SEPTIN14: variants seen among roughly 807,000 people sequenced by gnomAD.
The protein encoded by SEPTIN14 is septin-14.
A neutral mutation model predicts 53.6 loss-of-function variants in SEPTIN14; 40 were observed. The ratio of observed to expected loss-of-function variants is 0.75; its 90% confidence interval spans 0.58 to 0.97. The LOEUF (loss-of-function observed/expected upper bound fraction) is 0.97. Ranked by LOEUF, SEPTIN14 falls within the 50% of genes least tolerant of loss-of-function variation. SEPTIN14 has a pLI of 0.00. For synonymous variants in SEPTIN14, 138 were observed against 166.8 expected (o/e 0.83, Z 1.33); for missense variants, 471 against 508.2 (o/e 0.93, Z 0.70).
intron 6 of SEPTIN14, among the ~76,000 whole-genome samples, chr7:55,831,490 A>T (rs1311917338): frequency 2.0e-5 from 3 of 152,232 alleles, no homozygotes; most frequent in African/African-American, 7.2e-5. Context: ...CGTATTAATG[A>T]CTTAAATGAA....
intron 5 of SEPTIN14, among the ~76,000 whole-genome samples, chr7:55,838,751 A>G (rs1262181963): frequency 2.6e-5 from 4 of 151,780 alleles, no homozygotes; most frequent in Non-Finnish European, 4.4e-5. Flanking sequence ...GTCTCACTAC[A>G]TTGCCCAGGC....
At chr7:55,847,918 A>T (rs988056781) in intron 2 of SEPTIN14, among the ~76,000 whole-genome samples, 7 of 152,142 alleles carry the variant, frequency 4.6e-5, no homozygotes, top group African/African-American at 1.7e-4. Flanking sequence ...TATTTTAAAA[A>T]TGGGAATTAT....
At chr7:55,797,600 C>A (rs1018581429) in intron 9 of SEPTIN14, among the ~76,000 whole-genome samples, 8 of 152,150 alleles carry the variant, frequency 5.3e-5, no homozygotes, top group African/African-American at 1.7e-4. Flanking sequence ...GTTTCCTCGA[C>A]AAACAAAGCT....
intron 6 of SEPTIN14, among the ~76,000 whole-genome samples, chr7:55,834,112 T>G (rs1584264455): frequency 6.6e-6 from 1 of 152,076 alleles, no homozygotes; most frequent in East Asian, 1.9e-4. Flanking sequence ...CTACCAAACT[T>G]TCAAAGAAAA....
chr7:55,853,519 C>T (rs753459854), intron 2 of SEPTIN14, among the ~76,000 whole-genome samples: 22 of 152,084 alleles, frequency 1.4e-4, no homozygotes, highest in Non-Finnish European at 2.6e-4. Context: ...GGATGGTTAC[C>T]AGAGGCTAAG....
At position 55,846,654 on chromosome 7, in the gene SEPTIN14, A is replaced by T; in HGVS notation, c.55-17T>A. 1 of 1,317,284 alleles carries T rather than the reference A, an allele frequency of 7.6e-7. No individual in the cohort carries two copies. The highest frequency in any genetic ancestry group is 2.3e-5 in the East Asian group (1 of 42,938). The allele number at this position is 1,317,284 out of a possible 1,614,324, so 81.6% of individuals were successfully genotyped here. A position where few individuals can be genotyped will look rare whatever the true frequency, so the allele number is the denominator to read the frequency against. On this transcript the variant is annotated splice_polypyrimidine_tract_variant and intron_variant, in intron 2 of 9. Transcript: ENST00000388975. ...TTCTTTTTGCTTAAATAAAACAAAA[A>T]TTTAGAGTTTTGTGTTAGAATAAAA... is the stretch of plus-strand genomic sequence containing the variant.
At chr7:55,796,406 G>T (rs1474283314) in intron 9 of SEPTIN14, among the ~76,000 whole-genome samples, 7 of 152,034 alleles carry the variant, frequency 4.6e-5, no homozygotes, top group Non-Finnish European at 8.8e-5. Flanking sequence ...GGGACTACAG[G>T]CATGCACCAC....
chr7:55,809,424 C>T (rs1356665028), intron 7 of SEPTIN14, among the ~76,000 whole-genome samples: 3 of 147,242 alleles, frequency 2.0e-5, no homozygotes, highest in African/African-American at 5.1e-5. Flanking sequence ...GGCACGATCT[C>T]GGCTCACTGC....
At chr7:55,833,411 T>C (rs1270204095) in intron 6 of SEPTIN14, among the ~76,000 whole-genome samples, 1 of 151,104 alleles carries the variant, frequency 6.6e-6, no homozygotes. Flanking sequence ...GATTAGAGCA[T>C]AAATAAATGA....
In SEPTIN14 at chr7:55,807,169, G is replaced by A; in HGVS notation, c.907C>T (p.Gln303Ter). ...MENLKEKTHTQHYECYRYQKL... is the reference protein window; with the variant it reads ...MENLKEKTHT ...TGGTACCTATAACATTCATAGTGCT[G>A]AGTGTGGGTTTTTTCTTTTAGATTT... is the stretch of plus-strand genomic sequence containing the variant. The change falls in exon 8 of 10, where the codon CAG (glutamine) becomes TAG (stop). Residue 303 changes from glutamine (Q) to a stop codon, truncating the protein, a stop_gained. Transcript: ENST00000388975. LOFTEE classifies it high-confidence loss of function. The A allele has an allele frequency of 6.2e-7, 1 of 1,610,830 alleles. No individual in the cohort carries two copies. The highest frequency in any genetic ancestry group is 8.5e-7 in the Non-Finnish European group (1 of 1,178,704).
intron 8 of SEPTIN14, 22 bp downstream of exon 8, chr7:55,807,068 T>C: frequency 6.5e-7 from 1 of 1,548,028 alleles, no homozygotes; most frequent in Non-Finnish European, 8.7e-7. Flanking sequence ...CATTTGGTTG[T>C]GCTAGCAATA....
At chr7:55,862,044 A>G (rs764447659) in intron 1 of SEPTIN14, 33 bp from the exon 2 acceptor site, 2 of 1,346,924 alleles carry the variant, frequency 1.5e-6, no homozygotes, top group East Asian at 5.1e-5. Flanking sequence ...ATTTTTAAAA[A>G]TTTCTTACAA....
rs1236683942 is a variant in SEPTIN14, at chr7:55,830,344, TATATA to T, written c.720+4076_720+4080del. Among the ~76,000 whole-genome samples the T allele has an allele frequency of 6.4e-3, 227 of 35,508 alleles. 1 individual carries two copies. The highest frequency in any genetic ancestry group is 0.038 in the East Asian group (22 of 572). 23.3% of individuals were successfully genotyped at this position (35,508 alleles called of 152,430 possible). On this transcript the variant is annotated intron_variant, in intron 6 of 9. Coordinates refer to ENST00000388975, the MANE Select transcript of SEPTIN14 (RefSeq NM_207366.3). ...CTGTATATATATATATATATATATATATATATTTTTTTTTTTTTTTGAGACGGAGT... is the reference window on the plus strand; with the variant it reads ...CTGTATATATATATATATATATATATTTTTTTTTTTTTTTTGAGACGGAGT...
At position 55,832,628 on chromosome 7, in the gene SEPTIN14, C is replaced by A. The variant is rs190196621; in HGVS notation, c.720+1797G>T. Among the ~76,000 whole-genome samples the A allele has an allele frequency of 2.8e-3, 425 of 152,162 alleles. 5 individuals are homozygous for A. The highest frequency in any genetic ancestry group is 0.01 in the Middle Eastern group (3 of 294). On this transcript the variant is annotated intron_variant, in intron 6 of 9. Transcript: ENST00000388975. ...ATGGATGGAGCTGGGGGCCATTATC[C>A]TAAGTGAAATAACTCAGAAACAGAA... is the stretch of plus-strand genomic sequence containing the variant.
chr7:55,837,124 G>A (rs1355722278), intron 5 of SEPTIN14, among the ~76,000 whole-genome samples: 1 of 109,538 alleles, frequency 9.1e-6, no homozygotes, highest in Non-Finnish European at 1.9e-5. Context: ...TTTTTTTTTT[G>A]AGAGAGAGAG....
At chr7:55,811,664 G>A (rs985721746) in intron 7 of SEPTIN14, among the ~76,000 whole-genome samples, 1 of 150,926 alleles carries the variant, frequency 6.6e-6, no homozygotes, top group Non-Finnish European at 1.5e-5. Context: ...ACCACGCCTG[G>A]TTTTTCTGTT....
intron 5 of SEPTIN14, among the ~76,000 whole-genome samples, chr7:55,840,398 A>G (rs1395147329): frequency 6.6e-6 from 1 of 151,976 alleles, no homozygotes; most frequent in East Asian, 1.9e-4. Context: ...CTAAGATAGG[A>G]GAACTGCTTG....
intron 2 of SEPTIN14, among the ~76,000 whole-genome samples, chr7:55,859,508 T>C (rs1659664875): frequency 6.6e-6 from 1 of 152,210 alleles, no homozygotes; most frequent in Non-Finnish European, 1.5e-5. Flanking sequence ...ACTATAGCTT[T>C]GTAATATAAT....
rs1388075067 is a variant in SEPTIN14 at position 55,855,407 on chromosome 7, G to A, written c.54+6536C>T. On this transcript the variant is annotated intron_variant, in intron 2 of 9. Transcript: ENST00000388975. ...GACAGAAACCCACAGGAAAAGACAA[G>A]ATGGGAGCATCAACTTTTCTAGGCA... Among the ~76,000 whole-genome samples, 7 of 152,220 alleles carry A rather than the reference G, an allele frequency of 4.6e-5. No individual in the cohort carries two copies. In the South Asian group the frequency reaches 1.4e-3, roughly 31 times the overall value.
Sources: allele counts gnomAD v4.1 joint callset (sites outside exome capture counted in the v4.1 genomes callset), GRCh38; gene constraint gnomAD v4.1.1; transcripts MANE v1.5; gene names NCBI Gene and HGNC (gene_info 2026-07-23, HGNC 2026-07-21).